The following ADRA1B variants were observed in gnomAD, a reference collection of about 807,000 sequenced individuals.
The protein encoded by ADRA1B is alpha-1B adrenergic receptor.
ADRA1B carries 17 observed loss-of-function variants against 17.9 expected under a neutral mutation model. The observed-to-expected ratio is 0.95, with a 90% CI of 0.65 to 1.42. The LOEUF (loss-of-function observed/expected upper bound fraction) is 1.42. Ranked by LOEUF, ADRA1B falls within the 40% of genes most tolerant of loss-of-function variation. The pLI is 0.00. For synonymous variants in ADRA1B, 366 were observed against 327.6 expected (o/e 1.12, Z -1.27); for missense variants, 681 against 722.1 (o/e 0.94, Z 0.65).
chr5:159,893,270 C>T (rs945765765), intron 1 of ADRA1B, among the ~76,000 whole-genome samples: 4 of 152,270 alleles, frequency 2.6e-5, no homozygotes, highest in Non-Finnish European at 5.9e-5. Flanking sequence ...ACTCTCACTC[C>T]TTTGGTGACT....
intron 1 of ADRA1B, among the ~76,000 whole-genome samples, chr5:159,924,251 G>A (rs1431906058): frequency 6.7e-6 from 1 of 148,576 alleles, no homozygotes; most frequent in African/African-American, 2.4e-5. Context: ...TTGATGGAAC[G>A]ATGGTAATTA....
At chr5:159,899,240 G>GGAAGGAAGGAAGGAAGAA (rs1754069406) in intron 1 of ADRA1B, among the ~76,000 whole-genome samples, 1 of 105,428 alleles carries the variant, frequency 9.5e-6, no homozygotes, top group African/African-American at 4.1e-5. Flanking sequence ...AGGAGGGAGG[G>GGAAGGAAGGAAGGAAGAA]AGGAAGGAAG....
intron 1 of ADRA1B, among the ~76,000 whole-genome samples, chr5:159,905,830 G>A (rs1754156517): frequency 2.0e-5 from 3 of 151,790 alleles, no homozygotes; most frequent in African/African-American, 7.3e-5. Context: ...CACTAGGCAA[G>A]AATAAACTAC....
At chr5:159,927,230 TCTCA>T (rs1273016329) in intron 1 of ADRA1B, among the ~76,000 whole-genome samples, 1 of 152,072 alleles carries the variant, frequency 6.6e-6, no homozygotes, top group Non-Finnish European at 1.5e-5. Flanking sequence ...GTCACCTGCC[TCTCA>T]CCTCTGAGAG....
chr5:159,876,148 C>T lies in ADRA1B; in HGVS notation c.-256+10942C>T, dbSNP rs370299631. Among the ~76,000 whole-genome samples, 5 of 152,166 alleles carry T rather than the reference C, an allele frequency of 3.3e-5. No individual in the cohort carries two copies. In the South Asian group the frequency reaches 1.0e-3, roughly 31 times the overall value. ...AGGTTACAGTGAACTGAGATCACGC[C>T]ACTGCACCCCAGCTGGGGGACAGAG... On this transcript the variant is annotated intron_variant, in intron 1 of 2. Coordinates refer to the ADRA1B transcript ENST00000641205.
chr5:159,943,418 T>G (rs1467597594), intron 1 of ADRA1B, among the ~76,000 whole-genome samples: 1 of 152,182 alleles, frequency 6.6e-6, no homozygotes, highest in African/African-American at 2.4e-5. Flanking sequence ...AGCTCTGAAC[T>G]CTCTAGGGCT....
At chr5:159,921,940 T>C (rs1239109667) in intron 1 of ADRA1B, among the ~76,000 whole-genome samples, 1 of 152,194 alleles carries the variant, frequency 6.6e-6, no homozygotes, top group Non-Finnish European at 1.5e-5. Flanking sequence ...TGCCCACAAA[T>C]AAATCAATTG....
chr5:159,979,807 G>A, the ADRA1B span, among the ~76,000 whole-genome samples: 1 of 151,938 alleles, frequency 6.6e-6, no homozygotes, highest in Non-Finnish European at 1.5e-5. Flanking sequence ...GAAGAAAGTT[G>A]CAGTGAGCCA....
chr5:159,972,052 C>G lies in ADRA1B; in HGVS notation c.1123C>G (p.Arg375Gly). 1 of 1,328,608 alleles carries G rather than the reference C, an allele frequency of 7.5e-7. No individual in the cohort carries two copies. The highest frequency in any genetic ancestry group is 3.1e-5 in the East Asian group (1 of 31,980). 82.3% of individuals were successfully genotyped at this position (1,328,608 alleles called of 1,614,324 possible). Reference protein sequence around the residue: ...CQCRGRGRRRRRRRRRLGGCA... With the variant: ...CQCRGRGRRRGRRRRRLGGCA... ...GTGCCGCGGCCGCGGCCGCCGCCGA[C>G]GCCGCCGCCGCCGTCGCCTGGGCGG... The change falls in exon 2 of 2, where the codon CGC becomes GGC. Residue 375 changes from arginine (R) to glycine (G), a missense_variant. Arg to Gly is a moderately radical substitution (Grantham distance 125, BLOSUM62 -2). Transcript: ENST00000306675.
chr5:159,910,304 A>C (rs1341306939), intron 1 of ADRA1B, among the ~76,000 whole-genome samples: 2 of 152,234 alleles, frequency 1.3e-5, no homozygotes, highest in African/African-American at 2.4e-5. Context: ...GAAAGAGTTT[A>C]TGTAGCTTGC....
chr5:159,907,745 A>G (rs556892326), intron 1 of ADRA1B, among the ~76,000 whole-genome samples: 1 of 152,298 alleles, frequency 6.6e-6, no homozygotes, highest in African/African-American at 2.4e-5. Flanking sequence ...TAAAATCCCC[A>G]TTTTACAGAT....
chr5:159,979,650 C>T, the ADRA1B span, among the ~76,000 whole-genome samples: 23 of 151,960 alleles, frequency 1.5e-4, no homozygotes, highest in Admixed American at 8.5e-4. Context: ...GGCGGATCAC[C>T]GGAGGTCAGG....
chr5:159,902,676 T>A (rs935076479), intron 1 of ADRA1B, among the ~76,000 whole-genome samples: 1 of 152,210 alleles, frequency 6.6e-6, no homozygotes, highest in African/African-American at 2.4e-5. Context: ...CCCAAGTTTG[T>A]GTCTCCCACA....
chr5:159,904,426 T>C (rs1754137796), intron 1 of ADRA1B, among the ~76,000 whole-genome samples: 1 of 152,212 alleles, frequency 6.6e-6, no homozygotes, highest in African/African-American at 2.4e-5. Context: ...AGGAAAGTAG[T>C]TGTTCCCAAA....
intron 1 of ADRA1B, among the ~76,000 whole-genome samples, chr5:159,903,194 C>T (rs1754122533): frequency 6.6e-6 from 1 of 152,162 alleles, no homozygotes; most frequent in South Asian, 2.1e-4. Flanking sequence ...TGAAAAGCAT[C>T]AAGGTTCCCA....
chr5:159,941,910 A>G (rs1455723027), intron 1 of ADRA1B, among the ~76,000 whole-genome samples: 2 of 149,480 alleles, frequency 1.3e-5, no homozygotes, highest in East Asian at 3.9e-4. Flanking sequence ...GCTAATGGGT[A>G]CTGGGTTTCT....
At chr5:159,932,111 G>A (rs547613472) in intron 1 of ADRA1B, among the ~76,000 whole-genome samples, 171 of 152,152 alleles carry the variant, frequency 1.1e-3, no homozygotes, top group African/African-American at 3.9e-3. Flanking sequence ...TTATCATATC[G>A]ATGAAACTGA....
At chr5:159,950,809 A>G in intron 1 of ADRA1B, 1 of 593,948 alleles carries the variant, frequency 1.7e-6, no homozygotes. Context: ...ACAGAAGCCC[A>G]TGTCAGTGAG....
At chr5:159,931,627 C>T (rs1754808529) in intron 1 of ADRA1B, among the ~76,000 whole-genome samples, 1 of 152,142 alleles carries the variant, frequency 6.6e-6, no homozygotes, top group South Asian at 2.1e-4. Flanking sequence ...TCCATTCAGG[C>T]TGCTGTAACC....
Sources: allele counts gnomAD v4.1 joint callset (sites outside exome capture counted in the v4.1 genomes callset), GRCh38; gene constraint gnomAD v4.1.1; transcripts MANE v1.5; gene names NCBI Gene and HGNC (gene_info 2026-07-23, HGNC 2026-07-21).